Variants in ASIC2 observed in about 807,000 individuals in gnomAD.
The protein encoded by ASIC2 is acid-sensing ion channel 2.
ASIC2 carries 25 observed loss-of-function variants against 57.3 expected under a neutral mutation model. The ratio of observed to expected loss-of-function variants is 0.44; its 90% confidence interval spans 0.32 to 0.61. The LOEUF is 0.61. Ranked by LOEUF, ASIC2 falls within the 20% of genes least tolerant of loss-of-function variation. The pLI is 0.06. For missense variants in ASIC2, 641 were observed against 738.1 expected (o/e 0.87, Z 1.52); for synonymous variants, 319 against 307.5 (o/e 1.04, Z -0.39).
At chr17:33,420,061 T>G (rs1449575273) in intron 1 of ASIC2, among the ~76,000 whole-genome samples, 1 of 152,336 alleles carries the variant, frequency 6.6e-6, no homozygotes, top group South Asian at 2.1e-4. Flanking sequence ...CTTTTTTTCA[T>G]ATGCCGTTTC....
chr17:33,949,631 T>C (rs1375670052), intron 1 of ASIC2, among the ~76,000 whole-genome samples: 1 of 152,200 alleles, frequency 6.6e-6, no homozygotes, highest in African/African-American at 2.4e-5. Context: ...CCATGCGTCA[T>C]GTCCTCCCTC....
chr17:34,109,550 A>G (rs1911192602), intron 1 of ASIC2, among the ~76,000 whole-genome samples: 1 of 152,188 alleles, frequency 6.6e-6, no homozygotes, highest in African/African-American at 2.4e-5. Context: ...TTGCCAGTTT[A>G]TACTTTCATC....
At chr17:33,082,957 G>C (rs946821368) in intron 3 of ASIC2, among the ~76,000 whole-genome samples, 2 of 152,008 alleles carry the variant, frequency 1.3e-5, no homozygotes, top group Non-Finnish European at 2.9e-5. Context: ...TATATCCCTA[G>C]CCCTGACCCC....
intron 1 of ASIC2, among the ~76,000 whole-genome samples, chr17:34,095,490 G>A (rs1910483814): frequency 6.6e-6 from 1 of 151,742 alleles, no homozygotes; most frequent in Admixed American, 6.6e-5. Flanking sequence ...GACTGGCAAT[G>A]CTGCATCTTT....
At chr17:33,436,143 A>C (rs1024841379) in intron 1 of ASIC2, among the ~76,000 whole-genome samples, 1 of 152,270 alleles carries the variant, frequency 6.6e-6, no homozygotes, top group African/African-American at 2.4e-5. Flanking sequence ...GGCATAGGCC[A>C]GGCTATTTAG....
chr17:33,788,524 AC>A, intron 1 of ASIC2, among the ~76,000 whole-genome samples: 1 of 152,272 alleles, frequency 6.6e-6, no homozygotes. Flanking sequence ...AACCAGAAAT[AC>A]CATTTGACCC....
At chr17:33,493,878 C>G (rs577242446) in intron 1 of ASIC2, among the ~76,000 whole-genome samples, 1 of 152,328 alleles carries the variant, frequency 6.6e-6, no homozygotes, top group African/African-American at 2.4e-5. Context: ...TGATTAGTAT[C>G]AACAGTGCTG....
intron 1 of ASIC2, among the ~76,000 whole-genome samples, chr17:33,505,195 G>A (rs1396735036): frequency 1.3e-5 from 2 of 152,068 alleles, no homozygotes; most frequent in African/African-American, 4.8e-5. Context: ...TAACACCAGA[G>A]GGGCACAGCA....
At chr17:33,481,075 T>A (rs944516804) in intron 1 of ASIC2, among the ~76,000 whole-genome samples, 1 of 152,204 alleles carries the variant, frequency 6.6e-6, no homozygotes, top group Non-Finnish European at 1.5e-5. Context: ...CTTGTCTTCA[T>A]CTCTCTTGTG....
chr17:34,016,637 T>A (rs1307301577), intron 1 of ASIC2, among the ~76,000 whole-genome samples: 1 of 152,196 alleles, frequency 6.6e-6, no homozygotes, highest in Non-Finnish European at 1.5e-5. Context: ...GGCATAGCTA[T>A]AGATATGCAT....
At chr17:34,100,404 A>C (rs1304802853) in intron 1 of ASIC2, among the ~76,000 whole-genome samples, 40 of 152,148 alleles carry the variant, frequency 2.6e-4, no homozygotes, top group Admixed American at 2.6e-3. Flanking sequence ...GGCTCGTCAC[A>C]TCATAATTCT....
intron 1 of ASIC2, among the ~76,000 whole-genome samples, chr17:34,010,923 A>C (rs1309253620): frequency 6.6e-6 from 1 of 151,020 alleles, no homozygotes; most frequent in East Asian, 1.9e-4. Context: ...CACATGCACA[A>C]ACACACATAC....
chr17:33,408,924 C>G (rs1910560477), intron 1 of ASIC2, among the ~76,000 whole-genome samples: 3 of 152,172 alleles, frequency 2.0e-5, no homozygotes. Context: ...ACAGAATATT[C>G]CAGTCCTGGC....
chr17:34,108,954 G>A (rs987078024), intron 1 of ASIC2, among the ~76,000 whole-genome samples: 52 of 151,720 alleles, frequency 3.4e-4, no homozygotes, highest in Admixed American at 3.0e-3. Context: ...CTTGGTTATG[G>A]TTAGTGGTGT....
chr17:34,007,855 T>C (rs1300794242), intron 1 of ASIC2, among the ~76,000 whole-genome samples: 2 of 152,184 alleles, frequency 1.3e-5, no homozygotes, highest in African/African-American at 2.4e-5. Flanking sequence ...AGTTGCCTAA[T>C]GGTAATTCCT....
chr17:34,014,448 T>A (rs73278468), intron 1 of ASIC2, among the ~76,000 whole-genome samples: 75 of 152,284 alleles, frequency 4.9e-4, no homozygotes, highest in African/African-American at 1.8e-3. Flanking sequence ...ACATTGGCTA[T>A]GCTATGTAAC....
intron 1 of ASIC2, among the ~76,000 whole-genome samples, chr17:34,104,706 A>G (rs1289152818): frequency 3.3e-5 from 5 of 152,110 alleles, no homozygotes; most frequent in Admixed American, 1.3e-4. Flanking sequence ...CCTTTTCTCC[A>G]TCTATTAAGA....
At chr17:34,026,924 T>C (rs1315326151) in intron 1 of ASIC2, among the ~76,000 whole-genome samples, 1 of 152,216 alleles carries the variant, frequency 6.6e-6, no homozygotes, top group Admixed American at 6.5e-5. Context: ...CCTTTCTTTC[T>C]ATTGATTTTT....
intron 1 of ASIC2, among the ~76,000 whole-genome samples, chr17:33,136,329 G>A (rs773823612): frequency 1.3e-5 from 2 of 152,174 alleles, no homozygotes. Context: ...GGGTTATACG[G>A]TCCAGAGGTC....
Sources: gnomAD v4.1 joint callset for allele counts (sites outside exome capture counted in the v4.1 genomes callset) on GRCh38, gnomAD v4.1.1 for gene constraint, MANE v1.5 for transcripts, NCBI Gene and HGNC (gene_info 2026-07-23, HGNC 2026-07-21) for gene names.